Variants in RBPJ observed in about 807,000 individuals in gnomAD.
RBPJ encodes the protein recombination signal binding protein for immunoglobulin kappa J region, also known as recombining binding protein suppressor of hairless.
RBPJ carries 9 observed loss-of-function variants against 67.8 expected under a neutral mutation model. That is an observed-to-expected ratio of 0.13 (90% CI 0.08 to 0.23). RBPJ has a LOEUF of 0.23. RBPJ is among the 10% of genes least tolerant of loss of function. RBPJ has a pLI of 1.00. For synonymous variants in RBPJ, 198 were observed against 203.3 expected (o/e 0.97, Z 0.22); for missense variants, 305 against 595.6 (o/e 0.51, Z 5.08).
intron 3 of RBPJ, among the ~76,000 whole-genome samples, chr4:26,413,637 G>C (rs777690073): frequency 6.6e-6 from 1 of 152,068 alleles, no homozygotes; most frequent in Non-Finnish European, 1.5e-5. Flanking sequence ...GTCTGGTTAG[G>C]GTTGAGCAAA....
intron 1 of RBPJ, among the ~76,000 whole-genome samples, chr4:26,372,075 A>G (rs1330908546): frequency 6.6e-6 from 1 of 152,240 alleles, no homozygotes; most frequent in Admixed American, 6.5e-5. Context: ...ATGAGAATAC[A>G]CATAAGGAGA....
chr4:26,327,340 A>G (rs1253958851), intron 1 of RBPJ, among the ~76,000 whole-genome samples: 3 of 152,164 alleles, frequency 2.0e-5, no homozygotes, highest in Non-Finnish European at 4.4e-5. Context: ...ACAATGCATA[A>G]TGGTAAGTTT....
chr4:26,180,461 A>G (rs1176132218), intron 1 of RBPJ, among the ~76,000 whole-genome samples: 3 of 152,204 alleles, frequency 2.0e-5, no homozygotes, highest in Non-Finnish European at 4.4e-5. Context: ...TAGAGGCCAG[A>G]AAGTCTAAGA....
At chr4:26,124,364 C>T in the RBPJ span, among the ~76,000 whole-genome samples, 1 of 143,708 alleles carries the variant, frequency 7.0e-6, no homozygotes, top group Non-Finnish European at 1.5e-5. Flanking sequence ...TCATCCAGGT[C>T]GCTGTGAATG....
intron 2 of RBPJ, among the ~76,000 whole-genome samples, chr4:26,401,990 G>C (rs1732870217): frequency 6.6e-6 from 1 of 150,392 alleles, no homozygotes; most frequent in Non-Finnish European, 1.5e-5. Flanking sequence ...CTGTGTTCAA[G>C]TGATTCTCCT....
At chr4:26,418,943 G>A (rs577241222) in intron 4 of RBPJ, among the ~76,000 whole-genome samples, 1 of 152,250 alleles carries the variant, frequency 6.6e-6, no homozygotes, top group Admixed American at 6.5e-5. Context: ...GGTGCAAGGA[G>A]TGATGTGACT....
chr4:26,146,530 T>G, the RBPJ span, among the ~76,000 whole-genome samples: 4 of 152,198 alleles, frequency 2.6e-5, no homozygotes, highest in Non-Finnish European at 5.9e-5. Context: ...TGTAAAAGAA[T>G]ACATTGATCA....
the RBPJ span, among the ~76,000 whole-genome samples, chr4:26,119,775 C>T: frequency 6.6e-6 from 1 of 152,230 alleles, no homozygotes; most frequent in Non-Finnish European, 1.5e-5. Context: ...GGCCTCAATT[C>T]TTTCATGATA....
chr4:26,116,938 C>A, the RBPJ span, among the ~76,000 whole-genome samples: 2 of 152,158 alleles, frequency 1.3e-5, no homozygotes, highest in Admixed American at 6.5e-5. Flanking sequence ...GCACGGGAAC[C>A]TTTGTGTAAG....
intron 1 of RBPJ, among the ~76,000 whole-genome samples, chr4:26,194,357 C>CA (rs1267678264): frequency 1.3e-5 from 2 of 152,318 alleles, no homozygotes; most frequent in East Asian, 3.9e-4. Context: ...CATGAGCACA[C>CA]ACACACATTT....
At chr4:26,253,866 A>G (rs1266715599) in intron 1 of RBPJ, among the ~76,000 whole-genome samples, 1 of 148,806 alleles carries the variant, frequency 6.7e-6, no homozygotes, top group Non-Finnish European at 1.5e-5. Flanking sequence ...ATTGGGGTGT[A>G]ATGAGGGTGG....
chr4:26,198,892 A>C (rs904570354), intron 1 of RBPJ, among the ~76,000 whole-genome samples: 1 of 152,196 alleles, frequency 6.6e-6, no homozygotes, highest in African/African-American at 2.4e-5. Flanking sequence ...CAGCCTGTAA[A>C]ATTATTGTTT....
chr4:26,231,546 G>A (rs1030807800), intron 1 of RBPJ, among the ~76,000 whole-genome samples: 1 of 151,808 alleles, frequency 6.6e-6, no homozygotes, highest in Non-Finnish European at 1.5e-5. Context: ...AGAGTAGCTG[G>A]GATTATAGGC....
chr4:26,341,689 C>T (rs369546212), intron 1 of RBPJ, among the ~76,000 whole-genome samples: 2 of 151,718 alleles, frequency 1.3e-5, no homozygotes, highest in South Asian at 2.1e-4. Flanking sequence ...CATTTAGCTG[C>T]GTGGAGGGAA....
intron 1 of RBPJ, among the ~76,000 whole-genome samples, chr4:26,267,950 A>T (rs1234434866): frequency 1.3e-5 from 2 of 151,636 alleles, no homozygotes; most frequent in Non-Finnish European, 2.9e-5. Context: ...CCGAAGTCAT[A>T]AAAAAAAAGA....
At chr4:26,185,348 G>T (rs1338573477) in intron 1 of RBPJ, among the ~76,000 whole-genome samples, 1 of 152,054 alleles carries the variant, frequency 6.6e-6, no homozygotes, top group African/African-American at 2.4e-5. Context: ...AAGTTATTTG[G>T]AAGACAGTGG....
intron 8 of RBPJ, 119 bp from the exon 9 acceptor site, chr4:26,429,779 T>C (rs1736030161): frequency 1.2e-6 from 1 of 812,148 alleles, no homozygotes; most frequent in African/African-American, 1.7e-5. Context: ...AGAAAGTTTA[T>C]AAGTTTTTAC....
rs1041587942 is a variant in RBPJ at position 26,348,937 on chromosome 4, C to T, written c.20+27889C>T. On this transcript the variant is annotated intron_variant, in intron 1 of 10. Transcript: ENST00000355476. Reference sequence around the variant, plus strand: ...GCTCAGGCTGGTCTTAAACTCCTGGCTTCTAGTTATCCTCCTACCTAGGCC... The same window carrying T: ...GCTCAGGCTGGTCTTAAACTCCTGGTTTCTAGTTATCCTCCTACCTAGGCC... Among the ~76,000 whole-genome samples the T allele has an allele frequency of 5.3e-5, 8 of 152,068 alleles. No homozygotes were observed. In the East Asian group the frequency reaches 1.4e-3, roughly 26 times the overall value.
chr4:26,119,054 G>A, the RBPJ span, among the ~76,000 whole-genome samples: 1 of 152,154 alleles, frequency 6.6e-6, no homozygotes, highest in Non-Finnish European at 1.5e-5. Flanking sequence ...GTATTGCATT[G>A]ATCCGGGTCT....
Sources: allele counts gnomAD v4.1 joint callset (sites outside exome capture counted in the v4.1 genomes callset), GRCh38; gene constraint gnomAD v4.1.1; transcripts MANE v1.5; gene names NCBI Gene and HGNC (gene_info 2026-07-23, HGNC 2026-07-21).